The following ZNF33A variants were observed in gnomAD, a reference collection of about 807,000 sequenced individuals.
ZNF33A encodes brain my041 protein.
In ZNF33A, 9 loss-of-function variants were observed where a neutral mutation model predicts 15.9. The observed-to-expected ratio is 0.57, with a 90% CI of 0.34 to 0.99. ZNF33A has a LOEUF of 0.99. Ranked by LOEUF, ZNF33A falls within the 50% of genes least tolerant of loss-of-function variation. The pLI, the probability that ZNF33A is intolerant of heterozygous loss-of-function variation, is 0.02. For synonymous variants in ZNF33A, 294 were observed against 324.2 expected (o/e 0.91, Z 1.00); for missense variants, 843 against 941.6 (o/e 0.90, Z 1.37).
At chr10:38,048,005 G>A (rs942275635) in intron 4 of ZNF33A, among the ~76,000 whole-genome samples, 3 of 152,204 alleles carry the variant, frequency 2.0e-5, no homozygotes, top group African/African-American at 7.2e-5. Flanking sequence ...ACAGAGAAAA[G>A]AGTAGAACAT....
chr10:38,060,038 A>T lies in ZNF33A; in HGVS notation c.*3478A>T. 1 of 985,296 alleles carries T rather than the reference A, an allele frequency of 1.0e-6. No homozygotes were observed. The highest frequency in any genetic ancestry group is 1.2e-6 in the Non-Finnish European group (1 of 829,788). 61.0% of individuals were successfully genotyped at this position (985,296 alleles called of 1,614,324 possible). ...AAAAAATGAAGTGTATCAAGTAAAT[A>T]AATAACCAACCAACCAACCCTGAGG... On this transcript the variant is annotated 3_prime_UTR_variant, in exon 5 of 5. Transcript: ENST00000432900.
At chr10:38,014,912 C>T (rs781309566) in intron 2 of ZNF33A, among the ~76,000 whole-genome samples, 26 of 151,938 alleles carry the variant, frequency 1.7e-4, no homozygotes, top group Non-Finnish European at 3.4e-4. Context: ...GAGACAGAGT[C>T]GCCCAGGCTG....
At chr10:38,048,906 A>G (rs992964017) in intron 4 of ZNF33A, among the ~76,000 whole-genome samples, 1 of 152,168 alleles carries the variant, frequency 6.6e-6, no homozygotes, top group East Asian at 1.9e-4. Context: ...AAATAACTTA[A>G]TTGACATTTA....
chr10:38,039,792 C>A (rs1182207810), intron 4 of ZNF33A, among the ~76,000 whole-genome samples: 1 of 151,440 alleles, frequency 6.6e-6, no homozygotes, highest in East Asian at 1.9e-4. Context: ...TTTTCAATGT[C>A]AGTCTAGCTA....
chr10:38,026,870 C>T (rs1462070541), intron 4 of ZNF33A, among the ~76,000 whole-genome samples: 1 of 152,152 alleles, frequency 6.6e-6, no homozygotes, highest in Non-Finnish European at 1.5e-5. Context: ...CCCTTCCGAC[C>T]AGTCTGTGGC....
intron 4 of ZNF33A, among the ~76,000 whole-genome samples, chr10:38,041,530 T>A (rs2065700266): frequency 6.6e-6 from 1 of 151,946 alleles, no homozygotes; most frequent in Non-Finnish European, 1.5e-5. Flanking sequence ...CTATTTGTTA[T>A]TTTTATATAT....
rs761188887 is a variant in ZNF33A at position 38,010,755 on chromosome 10, T to A, written c.-73T>A. 2 of 1,598,368 alleles carry A rather than the reference T, an allele frequency of 1.3e-6. No homozygotes were observed. Among genetic ancestry groups the A allele is most frequent in the Admixed American group, 3.3e-5 (2 of 60,018 alleles). On this transcript the variant is annotated 5_prime_UTR_variant, in exon 1 of 5. The change abolishes an upstream ATG in the 5' untranslated region. Coordinates refer to ENST00000432900, the MANE Select transcript of ZNF33A (RefSeq NM_006954.2). ...TTTCAAGGGTCTACGCGCTTTTCTA[T>A]GGCGAATGCAACCCGACGAGGGAGT... is the stretch of plus-strand genomic sequence containing the variant.
At chr10:38,040,332 A>G (rs1049215988) in intron 4 of ZNF33A, among the ~76,000 whole-genome samples, 6 of 152,054 alleles carry the variant, frequency 3.9e-5, no homozygotes, top group East Asian at 1.9e-4. Flanking sequence ...AGTGTCATCT[A>G]TATCTTCTGT....
chr10:38,061,206 C>A (rs756320226), downstream of ZNF33A, among the ~76,000 whole-genome samples: 7 of 152,010 alleles, frequency 4.6e-5, no homozygotes, highest in African/African-American at 7.2e-5. Context: ...AGGCAGGAGA[C>A]AACTGAGGGA....
Position 38,054,938 on chromosome 10 carries a change from G to A in ZNF33A, c.814G>A (p.Asp272Asn), listed in dbSNP as rs1302375916. Residue 272 changes from aspartate (D) to asparagine (N), a missense_variant, in exon 5 of 5, where the codon GAC (aspartate) becomes AAC (asparagine). Physicochemically the swap from Asp to Asn is conservative, Grantham distance 23. Coordinates refer to ENST00000432900, the MANE Select transcript of ZNF33A (RefSeq NM_006954.2). Reference sequence around the variant, plus strand: ...GTTCCATCAGATATCTCCGTCAAGGGACAATCACTATGAATTTAGTGATTG... The same window carrying A: ...GTTCCATCAGATATCTCCGTCAAGGAACAATCACTATGAATTTAGTGATTG... ...LLFHQISPSR[D>N]NHYEFSDCEK... 1.2e-6 allele frequency: 2 copies of A among 1,613,872 alleles called. No homozygotes were observed. The highest frequency in any genetic ancestry group is 1.3e-5 in the African/African-American group (1 of 74,932).
downstream of ZNF33A, among the ~76,000 whole-genome samples, chr10:38,065,919 C>T (rs766245901): frequency 2.6e-5 from 4 of 152,092 alleles, no homozygotes; most frequent in African/African-American, 4.8e-5. Flanking sequence ...CCATACTGGC[C>T]AGGCTGTTCT....
intron 4 of ZNF33A, among the ~76,000 whole-genome samples, chr10:38,035,301 A>G (rs984575922): frequency 6.6e-6 from 1 of 151,534 alleles, no homozygotes; most frequent in Non-Finnish European, 1.5e-5. Flanking sequence ...TGTTTTTAGA[A>G]GAGATGGGGT....
At chr10:38,030,132 G>C (rs2065150273) in intron 4 of ZNF33A, among the ~76,000 whole-genome samples, 1 of 152,194 alleles carries the variant, frequency 6.6e-6, no homozygotes, top group Non-Finnish European at 1.5e-5. Flanking sequence ...TACAGGAACT[G>C]AAATGTTCAT....
At chr10:38,033,300 T>TA (rs1271725514) in intron 4 of ZNF33A, among the ~76,000 whole-genome samples, 4 of 152,238 alleles carry the variant, frequency 2.6e-5, no homozygotes. Flanking sequence ...ACTTGTTTTT[T>TA]ATGGCCATAT....
At chr10:38,023,603 A>C (rs1405686821) in intron 4 of ZNF33A, among the ~76,000 whole-genome samples, 1 of 152,206 alleles carries the variant, frequency 6.6e-6, no homozygotes, top group African/African-American at 2.4e-5. Context: ...CATTGAGAGG[A>C]TCTTCCTCAA....
chr10:38,044,031 T>C (rs1211913984), intron 4 of ZNF33A: 2 of 152,138 alleles, frequency 1.3e-5, no homozygotes, highest in African/African-American at 4.8e-5. Context: ...CCACTCCTTC[T>C]GGTACTTCTG....
At chr10:38,040,278 G>A (rs1040735812) in intron 4 of ZNF33A, among the ~76,000 whole-genome samples, 3 of 152,018 alleles carry the variant, frequency 2.0e-5, no homozygotes, top group African/African-American at 7.2e-5. Flanking sequence ...TCCACTGTTC[G>A]AGTGGAATGT....
chr10:38,037,513 A>G (rs376032826), intron 4 of ZNF33A, among the ~76,000 whole-genome samples: 25 of 151,810 alleles, frequency 1.6e-4, no homozygotes, highest in East Asian at 9.7e-4. Context: ...TTTAGTAGAG[A>G]TGGAGTTTCG....
At chr10:38,014,035 A>ATTTTTTTTTTT (rs10658326) in intron 2 of ZNF33A, among the ~76,000 whole-genome samples, 12 of 80,386 alleles carry the variant, frequency 1.5e-4, no homozygotes, top group African/African-American at 6.1e-4. Context: ...ATGATGTCTG[A>ATTTTTTTTTTT]TTTTTTTTTT....
Sources: allele counts gnomAD v4.1 joint callset (sites outside exome capture counted in the v4.1 genomes callset), GRCh38; gene constraint gnomAD v4.1.1; transcripts MANE v1.5; gene names NCBI Gene and HGNC (gene_info 2026-07-23, HGNC 2026-07-21).